Variants in CLIP2 observed in about 807,000 individuals in gnomAD.
CLIP2 encodes the protein CAP-Gly domain-containing linker protein 2.
In CLIP2, 41 loss-of-function variants were observed where a neutral mutation model predicts 111.7. That is an observed-to-expected ratio of 0.37 (90% CI 0.29 to 0.48). CLIP2 has a LOEUF of 0.48. Ranked by LOEUF, CLIP2 falls within the 20% of genes least tolerant of loss-of-function variation. The pLI, the probability that CLIP2 is intolerant of heterozygous loss-of-function variation, is 0.99. For synonymous variants in CLIP2, 660 were observed against 644.2 expected (o/e 1.02, Z -0.37); for missense variants, 1,160 against 1,422.1 (o/e 0.82, Z 2.96).
At position 74,326,529 on chromosome 7, in the gene CLIP2, G is replaced by A. The variant is rs147530170; in HGVS notation, c.121+8862G>A. On this transcript the variant is annotated intron_variant, in intron 2 of 16. Transcript: ENST00000223398. ...GGAGATTGAGGACAAGTATGTGTGG[G>A]AGTGTTACCCACCCTTAGACGGGGA... Among the ~76,000 whole-genome samples the A allele has an allele frequency of 2.7e-3, 406 of 152,286 alleles. 6 individuals carry two copies. The highest frequency in any genetic ancestry group is 3.4e-3 in the Middle Eastern group (1 of 294).
At chr7:74,334,993 C>T (rs970624243) in intron 2 of CLIP2, among the ~76,000 whole-genome samples, 1 of 151,666 alleles carries the variant, frequency 6.6e-6, no homozygotes, top group East Asian at 2.0e-4. Flanking sequence ...CAGAGTGAGA[C>T]TCTGTCTCAA....
At position 74,329,933 on chromosome 7, in the gene CLIP2, C is replaced by T. The variant is rs1789228301; in HGVS notation, c.122-8515C>T. ...TAGCTGGGATTACAAGCGCGCGCCA[C>T]CACACTGACTAATTTTTGTAGTTTT... On this transcript the variant is annotated intron_variant, in intron 2 of 16. Transcript: ENST00000223398. Among the ~76,000 whole-genome samples the T allele has an allele frequency of 4.6e-5, 7 of 152,172 alleles. No homozygotes were observed. The South Asian group carries it at 1.2e-3, about 27-fold the overall frequency.
intron 3 of CLIP2, among the ~76,000 whole-genome samples, chr7:74,339,541 G>A (rs2116563348): frequency 6.6e-6 from 1 of 152,116 alleles, no homozygotes; most frequent in South Asian, 2.1e-4. Context: ...CCCGACCTCA[G>A]GTGATCCACC....
intron 3 of CLIP2, 60 bp from the exon 4 acceptor site, chr7:74,353,820 C>G (rs1216358823): frequency 1.2e-6 from 2 of 1,612,974 alleles, no homozygotes; most frequent in Non-Finnish European, 1.7e-6. Flanking sequence ...CTGGGTGCCC[C>G]TGCCATCTCT....
intron 12 of CLIP2, among the ~76,000 whole-genome samples, chr7:74,388,322 C>T (rs1554315183): frequency 6.6e-6 from 1 of 151,692 alleles, no homozygotes; most frequent in East Asian, 1.9e-4. Flanking sequence ...CGGAGTGAGA[C>T]TCTATCACAC....
chr7:74,392,153 CA>C (rs1554315954), intron 13 of CLIP2, among the ~76,000 whole-genome samples: 3 of 151,622 alleles, frequency 2.0e-5, no homozygotes, highest in Non-Finnish European at 4.4e-5. Flanking sequence ...AGATCGAGAC[CA>C]TCCTGCCTAA....
intron 2 of CLIP2, among the ~76,000 whole-genome samples, chr7:74,323,581 C>T (rs1159114835): frequency 6.6e-6 from 1 of 152,070 alleles, no homozygotes; most frequent in Non-Finnish European, 1.5e-5. Context: ...GCACCCATCA[C>T]CATACCTGGC....
At chr7:74,378,756 C>CA (rs1231679717) in intron 10 of CLIP2, among the ~76,000 whole-genome samples, 16 of 151,910 alleles carry the variant, frequency 1.1e-4, no homozygotes, top group African/African-American at 2.9e-4. Context: ...ATACACAAAC[C>CA]AAAAAAACCC....
Position 74,341,246 on chromosome 7 carries a change from G to A in CLIP2, c.678+2242G>A, listed in dbSNP as rs530906040. ...CTCTGTTGCCAGGCTGGAGCGCAGT[G>A]GTGCGTTCTCGGCTCACTGCAACCT... On this transcript the variant is annotated intron_variant, in intron 3 of 16. Transcript: ENST00000223398. Among the ~76,000 whole-genome samples the A allele has an allele frequency of 3.9e-5, 6 of 152,218 alleles. 1 individual carries two copies. In the South Asian group the frequency reaches 8.3e-4, roughly 21 times the overall value.
At chr7:74,291,350 C>T (rs1179338899) in intron 1 of CLIP2, among the ~76,000 whole-genome samples, 4 of 152,170 alleles carry the variant, frequency 2.6e-5, no homozygotes, top group Non-Finnish European at 5.9e-5. Flanking sequence ...CCCAAAGTCC[C>T]AGCAGGGGGA....
chr7:74,306,152 C>T (rs1788481976), intron 1 of CLIP2, among the ~76,000 whole-genome samples: 1 of 152,148 alleles, frequency 6.6e-6, no homozygotes, highest in African/African-American at 2.4e-5. Context: ...GCTGCCTGCC[C>T]AGGCTCCCGG....
chr7:74,337,386 G>A lies in CLIP2; in HGVS notation c.122-1062G>A, dbSNP rs78165923. The stretch of plus-strand genomic sequence containing the variant: ...GGAAATAGGCTGGTAGCCTTTTGTG[G>A]GCCCTGTAACCGTCTGAGGGCGAGG... On this transcript the variant is annotated intron_variant, in intron 2 of 16. Coordinates refer to ENST00000223398, the MANE Select transcript of CLIP2 (RefSeq NM_003388.5). Among the ~76,000 whole-genome samples the A allele has an allele frequency of 8.8e-3, 1,344 of 152,120 alleles. 23 individuals are homozygous for A. The highest frequency in any genetic ancestry group is 0.031 in the African/African-American group (1,270 of 41,508).
At chr7:74,299,531 C>T (rs1456077853) in intron 1 of CLIP2, among the ~76,000 whole-genome samples, 1 of 152,102 alleles carries the variant, frequency 6.6e-6, no homozygotes. Flanking sequence ...GCCACCACAC[C>T]CTGGAGTGGA....
chr7:74,319,460 C>A lies in CLIP2; in HGVS notation c.121+1793C>A, dbSNP rs141995506. Among the ~76,000 whole-genome samples, 754 of 152,050 alleles carry A rather than the reference C, an allele frequency of 5.0e-3. 8 individuals are homozygous for A. Among genetic ancestry groups the A allele is most frequent in the African/African-American group, 0.018 (729 of 41,472 alleles). On this transcript the variant is annotated intron_variant, in intron 2 of 16. Coordinates refer to ENST00000223398, the MANE Select transcript of CLIP2 (RefSeq NM_003388.5). ...GAGGCGGAGGCTACAGTGAGCCGAG[C>A]TCATGCCACTGTACTCCAGCCTGGG...
intron 3 of CLIP2, among the ~76,000 whole-genome samples, chr7:74,348,889 G>A (rs1365146415): frequency 2.6e-5 from 4 of 151,932 alleles, no homozygotes; most frequent in Non-Finnish European, 5.9e-5. Flanking sequence ...GCTCATGCCT[G>A]TAATCCCAGT....
chr7:74,360,625 A>T (rs1554309536), intron 7 of CLIP2, among the ~76,000 whole-genome samples: 1 of 152,136 alleles, frequency 6.6e-6, no homozygotes, highest in African/African-American at 2.4e-5. Flanking sequence ...ATCACAGCTC[A>T]CTGCAGCCTT....
At chr7:74,295,892 G>GATGCTGAA (rs201070776) in intron 1 of CLIP2, among the ~76,000 whole-genome samples, 16 of 151,426 alleles carry the variant, frequency 1.1e-4, no homozygotes, top group African/African-American at 3.6e-4. Flanking sequence ...TGGATGCTGA[G>GATGCTGAA]GCAGGAGGAT....
rs1453948835 is a variant in CLIP2, at chr7:74,370,411, G to A, written c.1381-2521G>A. On this transcript the variant is annotated intron_variant, in intron 8 of 16. Coordinates refer to ENST00000223398, the MANE Select transcript of CLIP2 (RefSeq NM_003388.5). ...GCAGAGGTTGCAGTGAGCCAAGATC[G>A]CGCCACTGCACTCCAGCCTGGGCAA... is the stretch of plus-strand genomic sequence containing the variant. Among the ~76,000 whole-genome samples the A allele has an allele frequency of 5.5e-5, 8 of 144,416 alleles. No homozygotes were observed. The East Asian group carries it at 6.2e-4, about 11-fold the overall frequency. 94.7% of individuals were successfully genotyped at this position (144,416 alleles called of 152,430 possible).
intron 7 of CLIP2, among the ~76,000 whole-genome samples, chr7:74,362,099 C>CAA (rs564539300): frequency 1.2e-5 from 1 of 86,530 alleles, no homozygotes; most frequent in Admixed American, 1.2e-4. Context: ...GGCTCCGCCT[C>CAA]AAAAAAAAAA....
Sources: gnomAD v4.1 joint callset for allele counts (sites outside exome capture counted in the v4.1 genomes callset) on GRCh38, gnomAD v4.1.1 for gene constraint, MANE v1.5 for transcripts, NCBI Gene and HGNC (gene_info 2026-07-23, HGNC 2026-07-21) for gene names.